The following TRMT11 variants were observed in gnomAD, a reference collection of about 807,000 sequenced individuals.
TRMT11 encodes the protein tRNA methyltransferase 11, also known as tRNA (guanine(10)-N(2))-methyltransferase TRMT11.
TRMT11 carries 53 observed loss-of-function variants against 62.8 expected under a neutral mutation model. The observed-to-expected ratio is 0.84, with a 90% CI of 0.68 to 1.06. The LOEUF (loss-of-function observed/expected upper bound fraction) is 1.06, where lower values mean the gene tolerates loss of function less well. TRMT11 is among the 50% of genes least tolerant of loss of function. The pLI, the probability that TRMT11 is intolerant of heterozygous loss-of-function variation, is 0.00. For synonymous variants in TRMT11, 188 were observed against 190.3 expected, an observed-to-expected ratio of 0.99 and a Z score of 0.10; for missense variants, 556 against 553.4, an observed-to-expected ratio of 1.00 and a Z score of -0.05.
intron 17 of TRMT11, among the ~76,000 whole-genome samples, chr6:126,112,851 CTTTT>C (rs1777547867): frequency 6.6e-6 from 1 of 151,206 alleles, no homozygotes; most frequent in Non-Finnish European, 1.5e-5. Context: ...TTTTAGTATT[CTTTT>C]TTTATTATAG....
intron 1 of TRMT11, among the ~76,000 whole-genome samples, chr6:126,189,650 A>G (rs956024515): frequency 1.6e-4 from 25 of 152,246 alleles, no homozygotes; most frequent in African/African-American, 4.8e-4. Context: ...CACTTTGCCT[A>G]TAGTACATGT....
chr6:126,012,823 A>G lies in TRMT11; in HGVS notation c.978A>G (p.Ile326Met). 2 of 1,613,848 alleles carry G rather than the reference A, an allele frequency of 1.2e-6. No individual in the cohort carries two copies. Among genetic ancestry groups the G allele is most frequent in the Non-Finnish European group, 1.7e-6 (2 of 1,179,734 alleles). Reference protein sequence around the residue: ...STRRTGSQKEIPKGIEKWEKC... With the variant: ...STRRTGSQKEMPKGIEKWEKC... ...GAAGAACAGGTTCACAGAAGGAGATACCAAAGGGGATAGAAAAATGGGAAA... is the reference window on the plus strand; with the variant it reads ...GAAGAACAGGTTCACAGAAGGAGATGCCAAAGGGGATAGAAAAATGGGAAA... Residue 326 changes from isoleucine (I) to methionine (M), a missense_variant, in exon 10 of 13, where the codon ATA (isoleucine) becomes ATG (methionine). Coordinates refer to ENST00000334379, the MANE Select transcript of TRMT11 (RefSeq NM_001031712.3).
intron 17 of TRMT11, among the ~76,000 whole-genome samples, chr6:126,059,186 C>G (rs1776459478): frequency 6.6e-6 from 1 of 151,794 alleles, no homozygotes; most frequent in Non-Finnish European, 1.5e-5. Flanking sequence ...ACCCAGCCTA[C>G]CTCTACTCTT....
chr6:125,990,213 A>G (rs1435984015), intron 1 of TRMT11, among the ~76,000 whole-genome samples: 1 of 152,074 alleles, frequency 6.6e-6, no homozygotes, highest in East Asian at 1.9e-4. Flanking sequence ...TATATGCCAG[A>G]TGTTGTATTT....
intron 21 of TRMT11, among the ~76,000 whole-genome samples, chr6:126,165,087 G>C (rs1778242853): frequency 6.6e-6 from 1 of 152,050 alleles, no homozygotes; most frequent in South Asian, 2.1e-4. Context: ...GACCAGTCTG[G>C]CCAACATGGT....
the TRMT11 span, among the ~76,000 whole-genome samples, chr6:126,271,932 C>T: frequency 6.6e-6 from 1 of 152,144 alleles, no homozygotes. Context: ...ACTGCATGGA[C>T]ATGAAATGTG....
rs532521439 is a variant in TRMT11 at position 126,191,787 on chromosome 6, T to G, written n.144-7012T>G. Among the ~76,000 whole-genome samples the G allele has an allele frequency of 5.3e-5, 8 of 152,264 alleles. 1 individual carries two copies. The highest frequency in any genetic ancestry group is 2.0e-4 in the Admixed American group (3 of 15,302). On this transcript the variant is annotated intron_variant and non_coding_transcript_variant, in intron 1 of 3. Coordinates refer to the TRMT11 transcript ENST00000444229. Reference sequence around the variant, plus strand: ...CGATGTATCTCTGGGTTCTCTAATCTGTTCCATTGTTTTATGTGTCTGTTT... The same window carrying G: ...CGATGTATCTCTGGGTTCTCTAATCGGTTCCATTGTTTTATGTGTCTGTTT...
Position 126,103,577 on chromosome 6 carries a change from A to G in TRMT11, c.*1438-9289A>G, listed in dbSNP as rs142669485. On this transcript the variant is annotated intron_variant and NMD_transcript_variant, in intron 17 of 22. Transcript: ENST00000648977. The stretch of plus-strand genomic sequence containing the variant: ...TCAAGTGGAGATGGTTCTGCTTCCA[A>G]ACTCACTTAGGTTGTTGGCAAAAGT... 2.0e-3 allele frequency among the ~76,000 whole-genome samples: 303 copies of G among 152,244 alleles called. 3 individuals carry two copies. Among genetic ancestry groups the G allele is most frequent in the African/African-American group, 7.0e-3 (291 of 41,530 alleles).
chr6:126,008,665 A>C lies in TRMT11; in HGVS notation c.760+193A>C, dbSNP rs766034626. 13 of 699,618 alleles carry C rather than the reference A, an allele frequency of 1.9e-5. No individual in the cohort carries two copies. The Admixed American group carries it at 2.6e-4, about 14-fold the overall frequency. 43.3% of individuals were successfully genotyped at this position (699,618 alleles called of 1,614,324 possible). A position where few individuals can be genotyped will look rare whatever the true frequency, so the allele number is the denominator to read the frequency against. The stretch of plus-strand genomic sequence containing the variant: ...TTCCTCTTCCTCCTCAGCCTGCTCA[A>C]CATGAAGGTGATGAGGATGAAGACC... On this transcript the variant is annotated intron_variant, in intron 8 of 12. Coordinates refer to ENST00000334379, the MANE Select transcript of TRMT11 (RefSeq NM_001031712.3).
At chr6:126,075,574 C>T (rs1314595262) in intron 17 of TRMT11, among the ~76,000 whole-genome samples, 1 of 152,006 alleles carries the variant, frequency 6.6e-6, no homozygotes, top group Non-Finnish European at 1.5e-5. Context: ...CTGAGGCCTC[C>T]CCAGTCATGC....
At chr6:126,049,250 A>C (rs1447983055) in intron 16 of TRMT11, among the ~76,000 whole-genome samples, 1 of 151,864 alleles carries the variant, frequency 6.6e-6, no homozygotes, top group African/African-American at 2.4e-5. Flanking sequence ...TGATGGTTTT[A>C]ACTCAGACAA....
intron 17 of TRMT11, among the ~76,000 whole-genome samples, chr6:126,076,228 C>T (rs894218565): frequency 6.6e-6 from 1 of 152,202 alleles, no homozygotes; most frequent in African/African-American, 2.4e-5. Flanking sequence ...CTTCCAATTA[C>T]AGCTCTTATA....
intron 17 of TRMT11, among the ~76,000 whole-genome samples, chr6:126,096,281 T>C (rs965755698): frequency 6.6e-6 from 1 of 152,214 alleles, no homozygotes; most frequent in Non-Finnish European, 1.5e-5. Context: ...TCATTCATTC[T>C]GTTGTAAATT....
At chr6:126,067,927 A>G (rs1384487947) in intron 17 of TRMT11, among the ~76,000 whole-genome samples, 2 of 152,174 alleles carry the variant, frequency 1.3e-5, no homozygotes, top group African/African-American at 4.8e-5. Flanking sequence ...AGCTTTAATA[A>G]GATACTGTTT....
chr6:126,139,846 T>C (rs1364652238), intron 21 of TRMT11, among the ~76,000 whole-genome samples: 1 of 152,142 alleles, frequency 6.6e-6, no homozygotes, highest in African/African-American at 2.4e-5. Flanking sequence ...AGAGGTTTTT[T>C]TGGTAATTAT....
At chr6:126,147,236 GAT>G (rs1739462893) in intron 21 of TRMT11, among the ~76,000 whole-genome samples, 1 of 152,106 alleles carries the variant, frequency 6.6e-6, no homozygotes, top group African/African-American at 2.4e-5. Context: ...TATTTTTGTG[GAT>G]TTTTTCGTTC....
chr6:126,058,261 C>T (rs1276405507), intron 17 of TRMT11, among the ~76,000 whole-genome samples: 2 of 152,146 alleles, frequency 1.3e-5, no homozygotes, highest in African/African-American at 2.4e-5. Flanking sequence ...CAGCTTCATC[C>T]ATGTCCCTGC....
At chr6:126,000,154 C>T (rs1451880911) in intron 7 of TRMT11, among the ~76,000 whole-genome samples, 1 of 152,084 alleles carries the variant, frequency 6.6e-6, no homozygotes, top group African/African-American at 2.4e-5. Context: ...GTCACTGTGG[C>T]AGTGACCTTG....
intron 1 of TRMT11, chr6:125,987,051 A>G (rs2128720010): frequency 5.9e-6 from 1 of 168,414 alleles, no homozygotes; most frequent in African/African-American, 2.4e-5. Flanking sequence ...TGTTTTATTT[A>G]TTCAAGAAAC....
Sources: allele counts gnomAD v4.1 joint callset (sites outside exome capture counted in the v4.1 genomes callset), GRCh38; gene constraint gnomAD v4.1.1; transcripts MANE v1.5; gene names NCBI Gene and HGNC (gene_info 2026-07-23, HGNC 2026-07-21).